Variants in DCDC1 observed in about 807,000 individuals in gnomAD.
The protein encoded by DCDC1 is doublecortin domain-containing protein 1.
A neutral mutation model predicts 178.3 loss-of-function variants in DCDC1; 200 were observed. That is an observed-to-expected ratio of 1.12 (90% CI 1.00 to 1.26). DCDC1 has a LOEUF of 1.26. Ranked by LOEUF, DCDC1 falls within the 50% of genes most tolerant of loss-of-function variation. The pLI is 0.00. For synonymous variants in DCDC1, 690 were observed against 604.8 expected, an observed-to-expected ratio of 1.14 and a Z score of -2.07; for missense variants, 1,983 against 1,749.2, an observed-to-expected ratio of 1.13 and a Z score of -2.38.
At chr11:31,301,388 C>T (rs1044254752) in intron 6 of DCDC1, among the ~76,000 whole-genome samples, 1 of 152,136 alleles carries the variant, frequency 6.6e-6, no homozygotes, top group Non-Finnish European at 1.5e-5. Context: ...TCTGTTTTGG[C>T]AAGACTAAAG....
rs146146198 is a variant in DCDC1 at position 30,903,028 on chromosome 11, G to A, written c.4510+454C>T. On this transcript the variant is annotated intron_variant, in intron 32 of 38. Coordinates refer to ENST00000684477, the MANE Select transcript of DCDC1 (RefSeq NM_001387274.1). ...AAGACAGAGACAGGGAAGGGGACTT[G>A]AATGACAGTAAAAGCATAGAGAGGA... 4.7e-3 allele frequency among the ~76,000 whole-genome samples: 717 copies of A among 152,222 alleles called. 5 individuals carry two copies. The highest frequency in any genetic ancestry group is 7.6e-3 in the Non-Finnish European group (515 of 67,990).
At chr11:31,036,122 G>A (rs527312460) in intron 20 of DCDC1, among the ~76,000 whole-genome samples, 1 of 152,174 alleles carries the variant, frequency 6.6e-6, no homozygotes, top group South Asian at 2.1e-4. Context: ...TCTACTCTAT[G>A]GAAACTGAAT....
chr11:30,978,844 G>C (rs1420079781), intron 20 of DCDC1, among the ~76,000 whole-genome samples: 1 of 141,584 alleles, frequency 7.1e-6, no homozygotes, highest in African/African-American at 2.8e-5. Flanking sequence ...CTCAGCCTCT[G>C]GTATCTATCA....
At chr11:30,970,448 G>C (rs1186307052) in intron 20 of DCDC1, among the ~76,000 whole-genome samples, 3 of 152,154 alleles carry the variant, frequency 2.0e-5, no homozygotes, top group African/African-American at 7.2e-5. Flanking sequence ...CAGGGCTGAA[G>C]TGCAAGCTGT....
chr11:31,340,989 C>A (rs1387935637), intron 1 of DCDC1, among the ~76,000 whole-genome samples: 8 of 152,030 alleles, frequency 5.3e-5, no homozygotes, highest in Admixed American at 5.2e-4. Flanking sequence ...AGGTATCTGG[C>A]AAGCAGTTAA....
At chr11:31,108,295 A>G (rs1451421340) in intron 12 of DCDC1, among the ~76,000 whole-genome samples, 1 of 151,818 alleles carries the variant, frequency 6.6e-6, no homozygotes, top group African/African-American at 2.4e-5. Context: ...AATGATCATT[A>G]CTCTCCTCTT....
At chr11:31,266,424 G>A (rs528368643) in intron 7 of DCDC1, among the ~76,000 whole-genome samples, 1 of 152,294 alleles carries the variant, frequency 6.6e-6, no homozygotes, top group South Asian at 2.1e-4. Flanking sequence ...AGGGGTTTGA[G>A]GAGTGTCAGG....
At chr11:31,050,059 G>T (rs892834876) in intron 20 of DCDC1, among the ~76,000 whole-genome samples, 1 of 152,164 alleles carries the variant, frequency 6.6e-6, no homozygotes, top group Non-Finnish European at 1.5e-5. Flanking sequence ...GGTAGGGGAA[G>T]AACTAAAGCC....
At chr11:31,027,977 AC>A (rs1461116851) in intron 20 of DCDC1, among the ~76,000 whole-genome samples, 1 of 151,826 alleles carries the variant, frequency 6.6e-6, no homozygotes, top group Non-Finnish European at 1.5e-5. Context: ...AGAAAATTGT[AC>A]CTATTATTAC....
At chr11:31,328,530 G>C (rs1949769454) in intron 2 of DCDC1, among the ~76,000 whole-genome samples, 1 of 152,136 alleles carries the variant, frequency 6.6e-6, no homozygotes, top group Non-Finnish European at 1.5e-5. Flanking sequence ...CGGGTTCAGT[G>C]GCTCACACCT....
chr11:30,960,605 G>A (rs74452247), intron 20 of DCDC1, among the ~76,000 whole-genome samples: 1,640 of 152,232 alleles, frequency 0.011, 30 homozygotes, highest in African/African-American at 0.038. Context: ...AGTGATTCAT[G>A]CAATGCTTGC....
chr11:30,908,725 T>G (rs925460844), intron 29 of DCDC1, among the ~76,000 whole-genome samples: 17 of 152,118 alleles, frequency 1.1e-4, no homozygotes, highest in African/African-American at 3.1e-4. Context: ...TTATAAAAAT[T>G]TTAAGTACAT....
At chr11:31,050,759 A>C (rs1955192231) in intron 20 of DCDC1, among the ~76,000 whole-genome samples, 1 of 152,166 alleles carries the variant, frequency 6.6e-6, no homozygotes, top group Non-Finnish European at 1.5e-5. Flanking sequence ...AGACAACAAT[A>C]ACTGCAGTTC....
intron 9 of DCDC1, among the ~76,000 whole-genome samples, chr11:31,151,199 C>T (rs1407808426): frequency 6.6e-6 from 1 of 152,180 alleles, no homozygotes; most frequent in Admixed American, 6.5e-5. Flanking sequence ...CAAATCCAGG[C>T]ATGTCTAACT....
In DCDC1 at chr11:30,957,652, G is replaced by A. The variant is rs1281295393; in HGVS notation, c.2592-5084C>T. ...CCTCTTTGCAACAGAAAACAACTGT[G>A]CTTTTGAAAAACAATCCCTGGTTTA... On this transcript the variant is annotated intron_variant, in intron 20 of 38. Coordinates refer to ENST00000684477, the MANE Select transcript of DCDC1 (RefSeq NM_001387274.1). 2.0e-5 allele frequency among the ~76,000 whole-genome samples: 3 copies of A among 152,128 alleles called. No homozygotes were observed. The East Asian group carries it at 5.8e-4, about 29-fold the overall frequency.
chr11:31,364,258 A>G (rs977644529), intron 1 of DCDC1, among the ~76,000 whole-genome samples: 2 of 152,208 alleles, frequency 1.3e-5, no homozygotes, highest in Non-Finnish European at 2.9e-5. Context: ...GAGCTTCTGT[A>G]TATAAATGCA....
intron 9 of DCDC1, among the ~76,000 whole-genome samples, chr11:31,194,509 A>C (rs1403094296): frequency 6.6e-6 from 1 of 152,128 alleles, no homozygotes; most frequent in Non-Finnish European, 1.5e-5. Context: ...ACATAAAAAC[A>C]TATTTTTACA....
chr11:31,004,517 C>T (rs550656523), intron 20 of DCDC1, among the ~76,000 whole-genome samples: 167 of 73,348 alleles, frequency 2.3e-3, no homozygotes, highest in Admixed American at 3.3e-3. Flanking sequence ...ACTAAACATA[C>T]GAAAAAAAAA....
At chr11:31,094,620 G>C (rs1236452248) in intron 15 of DCDC1, among the ~76,000 whole-genome samples, 7 of 152,174 alleles carry the variant, frequency 4.6e-5, no homozygotes, top group African/African-American at 1.7e-4. Context: ...GATGGGGACA[G>C]TTTGACAGGA....
Sources: allele counts gnomAD v4.1 joint callset (sites outside exome capture counted in the v4.1 genomes callset), GRCh38; gene constraint gnomAD v4.1.1; transcripts MANE v1.5; gene names NCBI Gene and HGNC (gene_info 2026-07-23, HGNC 2026-07-21).